Variants in NTNG1 observed in about 807,000 individuals in gnomAD.
The protein encoded by NTNG1 is netrin G1, also known as netrin-G1.
A neutral mutation model predicts 54.0 loss-of-function variants in NTNG1; 16 were observed. The ratio of observed to expected loss-of-function variants is 0.30; its 90% CI spans 0.20 to 0.45. NTNG1 has a LOEUF of 0.45. Ranked by LOEUF, NTNG1 falls within the 20% of genes least tolerant of loss-of-function variation. NTNG1 has a pLI of 1.00. For synonymous variants in NTNG1, 255 were observed against 263.1 expected, an observed-to-expected ratio of 0.97 and a Z score of 0.30; for missense variants, 530 against 678.7, an observed-to-expected ratio of 0.78 and a Z score of 2.43.
At chr1:107,220,346 CTTTCCTGGTA>C (rs1660259484) in intron 2 of NTNG1, among the ~76,000 whole-genome samples, 1 of 152,204 alleles carries the variant, frequency 6.6e-6, no homozygotes, top group African/African-American at 2.4e-5. Flanking sequence ...ATTCTCTCAG[CTTTCCTGGTA>C]TGTTCTTGTG....
At chr1:107,210,569 G>A (rs1350712801) in intron 2 of NTNG1, among the ~76,000 whole-genome samples, 1 of 152,152 alleles carries the variant, frequency 6.6e-6, no homozygotes, top group Non-Finnish European at 1.5e-5. Flanking sequence ...AGCTATCCAA[G>A]TCACCGCCAG....
chr1:107,244,477 A>G (rs968176533), intron 2 of NTNG1, among the ~76,000 whole-genome samples: 48 of 152,346 alleles, frequency 3.2e-4, no homozygotes, highest in Admixed American at 1.3e-3. Context: ...TGTCTTAGAA[A>G]TAATAGGCCC....
intron 2 of NTNG1, among the ~76,000 whole-genome samples, chr1:107,275,379 AAAAT>A (rs1433024806): frequency 2.0e-5 from 3 of 152,124 alleles, no homozygotes; most frequent in Admixed American, 6.5e-5. Context: ...CGTCTCAAAA[AAAAT>A]AAATAAATAA....
At chr1:107,414,835 G>C (rs903245785) in intron 5 of NTNG1, among the ~76,000 whole-genome samples, 1 of 152,070 alleles carries the variant, frequency 6.6e-6, no homozygotes, top group Non-Finnish European at 1.5e-5. Context: ...AGAAAAGCTA[G>C]GCACAAAGCA....
intron 2 of NTNG1, among the ~76,000 whole-genome samples, chr1:107,227,471 T>C (rs1487072456): frequency 1.3e-5 from 2 of 152,154 alleles, no homozygotes; most frequent in Non-Finnish European, 2.9e-5. Context: ...TCATTACATT[T>C]GTGTGCCTTT....
chr1:107,341,615 A>G, intron 3 of NTNG1, among the ~76,000 whole-genome samples: 1 of 152,048 alleles, frequency 6.6e-6, no homozygotes, highest in Non-Finnish European at 1.5e-5. Context: ...AATGAAAATC[A>G]TGCTTATAAA....
Position 107,300,108 on chromosome 1 carries a change from C to T in NTNG1, c.247-24174C>T, listed in dbSNP as rs78941019. Among the ~76,000 whole-genome samples, 725 of 152,180 alleles carry T rather than the reference C, an allele frequency of 4.8e-3. 7 individuals carry two copies. Among genetic ancestry groups the T allele is most frequent in the African/African-American group, 0.016 (674 of 41,526 alleles). On this transcript the variant is annotated intron_variant, in intron 2 of 7. Coordinates refer to ENST00000370068, the MANE Select transcript of NTNG1 (RefSeq NM_001113226.3). Reference sequence around the variant, plus strand: ...TCTATAGCAAAACAAGAATGCGGACCGAGGCATATTTGCCCCTAAAGCCCC... The same window carrying T: ...TCTATAGCAAAACAAGAATGCGGACTGAGGCATATTTGCCCCTAAAGCCCC...
intron 3 of NTNG1, among the ~76,000 whole-genome samples, chr1:107,365,074 T>C (rs1570773181): frequency 6.6e-6 from 1 of 152,248 alleles, no homozygotes; most frequent in Non-Finnish European, 1.5e-5. Context: ...CCTGTTACTT[T>C]TTTTGATGTG....
chr1:107,435,958 A>G (rs1202292466), intron 6 of NTNG1, among the ~76,000 whole-genome samples: 1 of 152,186 alleles, frequency 6.6e-6, no homozygotes, highest in African/African-American at 2.4e-5. Context: ...CACTGTATTC[A>G]CCTTTTATTG....
chr1:107,226,561 T>C (rs1458309519), intron 2 of NTNG1, among the ~76,000 whole-genome samples: 2 of 152,172 alleles, frequency 1.3e-5, no homozygotes, highest in South Asian at 2.1e-4. Context: ...TACCCAACTA[T>C]GTTTCTACTA....
chr1:107,468,867 G>A (rs1677775457), intron 7 of NTNG1, among the ~76,000 whole-genome samples: 1 of 152,114 alleles, frequency 6.6e-6, no homozygotes, highest in Non-Finnish European at 1.5e-5. Context: ...GGAGGCCAAG[G>A]TGGGCGGATC....
chr1:107,232,935 T>G (rs1238299349), intron 2 of NTNG1, among the ~76,000 whole-genome samples: 1 of 152,234 alleles, frequency 6.6e-6, no homozygotes, highest in Non-Finnish European at 1.5e-5. Context: ...TTATTTAGGA[T>G]AAGGTTTATG....
chr1:107,302,942 T>C (rs959191844), intron 2 of NTNG1, among the ~76,000 whole-genome samples: 9 of 152,222 alleles, frequency 5.9e-5, no homozygotes, highest in Non-Finnish European at 1.0e-4. Flanking sequence ...AACATTTGTT[T>C]TAAAGCTTAG....
chr1:107,244,000 T>A (rs909860780), intron 2 of NTNG1, among the ~76,000 whole-genome samples: 12 of 152,202 alleles, frequency 7.9e-5, no homozygotes, highest in African/African-American at 2.9e-4. Context: ...ACAAACAAAC[T>A]TGGAGGCAAA....
At chr1:107,286,318 C>A (rs968906440) in intron 2 of NTNG1, among the ~76,000 whole-genome samples, 1 of 152,130 alleles carries the variant, frequency 6.6e-6, no homozygotes, top group East Asian at 1.9e-4. Context: ...TTCTCAGTAA[C>A]AACTCTATGC....
intron 5 of NTNG1, among the ~76,000 whole-genome samples, chr1:107,422,864 C>T (rs928079714): frequency 6.6e-6 from 1 of 152,036 alleles, no homozygotes; most frequent in Non-Finnish European, 1.5e-5. Flanking sequence ...GTTATATTTA[C>T]AGAGACAATT....
intron 3 of NTNG1, among the ~76,000 whole-genome samples, chr1:107,346,987 G>A (rs890993976): frequency 5.9e-5 from 9 of 151,670 alleles, no homozygotes; most frequent in Non-Finnish European, 1.2e-4. Context: ...ATGTTTTAGG[G>A]GTGGAAGGAA....
intron 2 of NTNG1, among the ~76,000 whole-genome samples, chr1:107,249,261 G>A (rs865972510): frequency 2.1e-4 from 32 of 151,766 alleles, no homozygotes; most frequent in Admixed American, 3.3e-4. Context: ...TCAGATGGGC[G>A]GATCACCTGA....
At chr1:107,176,758 A>G (rs552709824) in intron 2 of NTNG1, among the ~76,000 whole-genome samples, 1 of 152,196 alleles carries the variant, frequency 6.6e-6, no homozygotes, top group South Asian at 2.1e-4. Flanking sequence ...GTTTCTCCTC[A>G]TCTTTCATTA....
Sources: gnomAD v4.1 joint callset for allele counts (sites outside exome capture counted in the v4.1 genomes callset) on GRCh38, gnomAD v4.1.1 for gene constraint, MANE v1.5 for transcripts, NCBI Gene and HGNC (gene_info 2026-07-23, HGNC 2026-07-21) for gene names.